TSSC4: variants seen among roughly 807,000 people sequenced by gnomAD.
TSSC4 encodes tumor suppressing subtransferable candidate 4, also known as U5 small nuclear ribonucleoprotein TSSC4.
For synonymous variants in TSSC4, 259 were observed against 197.9 expected (o/e 1.31, Z -2.59); for missense variants, 500 against 443.9 (o/e 1.13, Z -1.14).
Position 2,402,934 on chromosome 11 carries a change from G to T in TSSC4, c.301G>T (p.Glu101Ter). 1.9e-6 allele frequency: 3 copies of T among 1,611,768 alleles called. No individual in the cohort carries two copies. The highest frequency in any genetic ancestry group is 2.5e-6 in the Non-Finnish European group (3 of 1,179,600). The change falls in exon 3 of 3, where the codon GAG becomes TAG. Residue 101 changes from glutamate (E) to a stop codon, truncating the protein, a stop_gained. Coordinates refer to ENST00000333256, the MANE Select transcript of TSSC4 (RefSeq NM_005706.4). LOFTEE classifies it low-confidence loss of function (END_TRUNC). ...QRSRDIFDCL[E>*]GAARRAPSSV... ...CAGCCGTGACATCTTTGACTGCCTG[G>T]AGGGGGCGGCCAGACGGGCTCCATC...
Position 2,403,441 on chromosome 11 carries a change from G to A in TSSC4, c.808G>A (p.Glu270Lys), listed in dbSNP as rs1256862761. The change falls in exon 3 of 3, where the codon GAG (glutamate) becomes AAG (lysine). Residue 270 changes from glutamate (E) to lysine (K), a missense_variant. Transcript: ENST00000333256. ...CGGGCCCGGGAGCCCAGAGGCTGAG[G>A]AGTGGGGCAGCCACCATGGAGGCCT... Reference protein sequence around the residue: ...LAGPGSPEAEEWGSHHGGLQE... With the variant: ...LAGPGSPEAEKWGSHHGGLQE... The A allele has an allele frequency of 4.4e-6, 7 of 1,594,948 alleles. No homozygotes were observed. The highest frequency in any genetic ancestry group is 3.3e-4 in the Middle Eastern group (2 of 5,980).
rs755406095 is a variant in TSSC4, at chr11:2,402,381, G to A, written c.-93G>A. On this transcript the variant is annotated 5_prime_UTR_variant, in exon 2 of 3. Transcript: ENST00000333256. ...CGCTGAGGACCTTCATCAGGGCTCCGTCCACTTGGCCCGCTTGGCTGTCCA... is the reference window on the plus strand; with the variant it reads ...CGCTGAGGACCTTCATCAGGGCTCCATCCACTTGGCCCGCTTGGCTGTCCA... 20 of 522,050 alleles carry A rather than the reference G, an allele frequency of 3.8e-5. No homozygotes were observed. The highest frequency in any genetic ancestry group is 5.8e-5 in the Non-Finnish European group (17 of 292,602). The allele number at this position is 522,050 out of a possible 1,614,324, so 32.3% of individuals were successfully genotyped here.
Position 2,403,255 on chromosome 11 carries a change from T to C in TSSC4, c.622T>C (p.Cys208Arg). Residue 208 changes from cysteine (C) to arginine (R), a missense_variant, in exon 3 of 3, where the codon TGT becomes CGT. Coordinates refer to ENST00000333256, the MANE Select transcript of TSSC4 (RefSeq NM_005706.4). Reference protein sequence around the residue: ...VSSFNQDPSSCGEGRVIFTKP... With the variant: ...VSSFNQDPSSRGEGRVIFTKP... The stretch of plus-strand genomic sequence containing the variant: ...CTCCTTCAACCAGGATCCCTCCAGC[T>C]GTGGGGAGGGGAGGGTCATCTTCAC... The C allele has an allele frequency of 6.2e-7, 1 of 1,612,608 alleles. No individual in the cohort carries two copies. The highest frequency in any genetic ancestry group is 8.5e-7 in the Non-Finnish European group (1 of 1,179,764).
chr11:2,402,991 G>A lies in TSSC4; in HGVS notation c.358G>A (p.Gly120Arg), dbSNP rs201416852. The A allele has an allele frequency of 5.7e-5, 92 of 1,609,046 alleles. No homozygotes were observed. Among genetic ancestry groups the A allele is most frequent in the Non-Finnish European group, 6.5e-5 (76 of 1,178,144 alleles). ...SVAHTSMSDN[G>R]GFKRPLAPSG... Reference sequence around the variant, plus strand: ...GGCCCACACCAGCATGAGTGACAACGGAGGCTTCAAGCGGCCCCTAGCGCC... The same window carrying A: ...GGCCCACACCAGCATGAGTGACAACAGAGGCTTCAAGCGGCCCCTAGCGCC... The change falls in exon 3 of 3, where the codon GGA (glycine) becomes AGA (arginine). Residue 120 changes from glycine to arginine, a missense_variant. Gly to Arg is a moderately radical substitution (Grantham distance 125). Coordinates refer to ENST00000333256, the MANE Select transcript of TSSC4 (RefSeq NM_005706.4).
At position 2,403,708 on chromosome 11, in the gene TSSC4, C is replaced by A; in HGVS notation, c.*85C>A. On this transcript the variant is annotated 3_prime_UTR_variant, in exon 3 of 3. Coordinates refer to ENST00000333256, the MANE Select transcript of TSSC4 (RefSeq NM_005706.4). ...GGCTGGTCAGGGGGCAGCCTGGCCA[C>A]TGCCTAGCTGGAATGGGAGGAAGCC... is the stretch of plus-strand genomic sequence containing the variant. The A allele has an allele frequency of 7.4e-7, 1 of 1,342,846 alleles. No homozygotes were observed. Among genetic ancestry groups the A allele is most frequent in the Non-Finnish European group, 9.8e-7 (1 of 1,020,790 alleles). The allele number at this position is 1,342,846 out of a possible 1,614,324, so 83.2% of individuals were successfully genotyped here. A position where few individuals can be genotyped will look rare whatever the true frequency, so the allele number is the denominator to read the frequency against.
Position 2,403,671 on chromosome 11 carries a change from C to T in TSSC4, c.*48C>T. ...CCCACTGGCCACTGCCATCCTGCTG[C>T]CTTCCCAGTGGGGCTGGTCAGGGGG... On this transcript the variant is annotated 3_prime_UTR_variant, in exon 3 of 3. Transcript: ENST00000333256. 1 of 1,452,742 alleles carries T rather than the reference C, an allele frequency of 6.9e-7. No individual in the cohort carries two copies. 90.0% of individuals were successfully genotyped at this position (1,452,742 alleles called of 1,614,324 possible).
rs868782136 is a variant in TSSC4 at position 2,402,357 on chromosome 11, G to A, written c.-117G>A. ...GGCCTGAGACGACCACGCCTGTGCC[G>A]CTGAGGACCTTCATCAGGGCTCCGT... On this transcript the variant is annotated 5_prime_UTR_variant, in exon 2 of 3. Coordinates refer to ENST00000333256, the MANE Select transcript of TSSC4 (RefSeq NM_005706.4). The A allele has an allele frequency of 6.2e-6, 3 of 483,536 alleles. No homozygotes were observed. The highest frequency in any genetic ancestry group is 1.1e-5 in the Non-Finnish European group (3 of 268,202). The allele number at this position is 483,536 out of a possible 1,614,324, so 30.0% of individuals were successfully genotyped here. A position where few individuals can be genotyped will look rare whatever the true frequency, so the allele number is the denominator to read the frequency against.
chr11:2,402,332 G>A lies in TSSC4; in HGVS notation c.-142G>A, dbSNP rs1244018323. 4.9e-6 allele frequency: 2 copies of A among 406,206 alleles called. No homozygotes were observed. Among genetic ancestry groups the A allele is most frequent in the Non-Finnish European group, 4.5e-6 (1 of 222,284 alleles). 25.2% of individuals were successfully genotyped at this position (406,206 alleles called of 1,614,324 possible). Reference sequence around the variant, plus strand: ...CAGAGGCCATGCCGGGGCACTCCGAGGCCTGAGACGACCACGCCTGTGCCG... The same window carrying A: ...CAGAGGCCATGCCGGGGCACTCCGAAGCCTGAGACGACCACGCCTGTGCCG... On this transcript the variant is annotated 5_prime_UTR_variant, in exon 2 of 3. Coordinates refer to ENST00000333256, the MANE Select transcript of TSSC4 (RefSeq NM_005706.4).
At position 2,403,371 on chromosome 11, in the gene TSSC4, T is replaced by G. The variant is rs1589861529; in HGVS notation, c.738T>G (p.Pro246=). ...GEPGRGGLGN[P]ATDRGEGPVE... The stretch of plus-strand genomic sequence containing the variant: ...CAGGCAGGGGCGGCCTTGGGAATCC[T>G]GCCACAGACAGGGGCGAGGGCCCTG... Residue 246 remains proline (P), a synonymous_variant, in exon 3 of 3, where the codon CCT becomes CCG. Coordinates refer to ENST00000333256, the MANE Select transcript of TSSC4 (RefSeq NM_005706.4). 6 of 1,610,814 alleles carry G rather than the reference T, an allele frequency of 3.7e-6. No individual in the cohort carries two copies. In the African/African-American group the frequency reaches 4.0e-5, roughly 11 times the overall value.
In TSSC4 at chr11:2,403,535, CTG is replaced by C. The variant is rs755857690; in HGVS notation, c.904_905del (p.Val302TrpfsTer26). 8 of 1,592,902 alleles carry C rather than the reference CTG, an allele frequency of 5.0e-6. No homozygotes were observed. The highest frequency in any genetic ancestry group is 4.5e-5 in the East Asian group (2 of 44,594). ...GTGCCAGGTCTCCCGCCGGTGGAAA[CTG>C]TTGGCTTCCATGGCAGCAGGAAGCG... On this transcript the variant is annotated frameshift_variant, in exon 3 of 3. Transcript: ENST00000333256. LOFTEE classifies it low-confidence loss of function (END_TRUNC).
chr11:2,403,632 T>C lies in TSSC4; in HGVS notation c.*9T>C. 1 of 1,501,466 alleles carries C rather than the reference T, an allele frequency of 6.7e-7. No homozygotes were observed. Among genetic ancestry groups the C allele is most frequent in the Non-Finnish European group, 8.9e-7 (1 of 1,125,548 alleles). The allele number at this position is 1,501,466 out of a possible 1,614,324, so 93.0% of individuals were successfully genotyped here. A position where few individuals can be genotyped will look rare whatever the true frequency, so the allele number is the denominator to read the frequency against. On this transcript the variant is annotated 3_prime_UTR_variant, in exon 3 of 3. Transcript: ENST00000333256. ...CAGGTGCTGAGGTCTGAGAGGGAGA[T>C]GGCCCAGCCTGACCCCACTGGCCAC... is the stretch of plus-strand genomic sequence containing the variant.
Position 2,402,609 on chromosome 11 carries a change from A to G in TSSC4, c.-23-2A>G. On this transcript the variant is annotated splice_acceptor_variant, in intron 2 of 2. Coordinates refer to ENST00000333256, the MANE Select transcript of TSSC4 (RefSeq NM_005706.4). LOFTEE classifies it low-confidence loss of function (5UTR_SPLICE). ...CAAATTTTCTGGGCTGTTTTGGTTT[A>G]GGTGTGGCGTGGCCCTGGGGACGCA... 3.2e-6 allele frequency: 5 copies of G among 1,563,816 alleles called. No homozygotes were observed. Among genetic ancestry groups the G allele is most frequent in the Non-Finnish European group, 4.3e-6 (5 of 1,150,832 alleles).
In TSSC4 at chr11:2,402,814, G is replaced by C; in HGVS notation, c.181G>C (p.Gly61Arg). 1.3e-6 allele frequency: 2 copies of C among 1,589,794 alleles called. No homozygotes were observed. The highest frequency in any genetic ancestry group is 1.7e-6 in the Non-Finnish European group (2 of 1,167,476). ...GGGGCTGCCTGGGGAGGAGGATTCAGGTCCTGATGAGCCGCCCTCACCCCC... is the reference window on the plus strand; with the variant it reads ...GGGGCTGCCTGGGGAGGAGGATTCACGTCCTGATGAGCCGCCCTCACCCCC... ...PMGLPGEEDS[G>R]PDEPPSPPSG... The change falls in exon 3 of 3, where the codon GGT becomes CGT. Residue 61 changes from glycine to arginine, a missense_variant. Transcript: ENST00000333256.
In TSSC4 at chr11:2,402,625, TG is replaced by T; in HGVS notation, c.-5del. 2 of 1,584,926 alleles carry T rather than the reference TG, an allele frequency of 1.3e-6. No homozygotes were observed. Among genetic ancestry groups the T allele is most frequent in the Non-Finnish European group, 8.6e-7 (1 of 1,161,618 alleles). ...TTTTGGTTTAGGTGTGGCGTGGCCC[TG>T]GGGACGCATGGCTGAGGCAGGAACA... On this transcript the variant is annotated 5_prime_UTR_variant, in exon 3 of 3. Transcript: ENST00000333256.
Position 2,403,324 on chromosome 11 carries a change from G to T in TSSC4, c.691G>T (p.Val231Phe), listed in dbSNP as rs1213350991. 1.2e-6 allele frequency: 2 copies of T among 1,612,420 alleles called. No homozygotes were observed. The highest frequency in any genetic ancestry group is 1.7e-6 in the Non-Finnish European group (2 of 1,179,632). Residue 231 changes from valine (V) to phenylalanine (F), a missense_variant, in exon 3 of 3, where the codon GTC (valine) becomes TTC (phenylalanine). By Grantham distance (50) the Val-to-Phe change is conservative. Transcript: ENST00000333256. Reference sequence around the variant, plus strand: ...CGAAGCCAGACACGAGAGGAAGAGGGTCCTGGGGAAGGTGGGAGAGCCAGG... The same window carrying T: ...CGAAGCCAGACACGAGAGGAAGAGGTTCCTGGGGAAGGTGGGAGAGCCAGG... Reference protein sequence around the residue: ...GVEARHERKRVLGKVGEPGRG... With the variant: ...GVEARHERKRFLGKVGEPGRG...
At position 2,402,831 on chromosome 11, in the gene TSSC4, C is replaced by A. The variant is rs1850191760; in HGVS notation, c.198C>A (p.Pro66=). ...GEEDSGPDEP[P]SPPSGLLPAT... ...AGGATTCAGGTCCTGATGAGCCGCC[C>A]TCACCCCCGTCAGGCCTCCTCCCAG... The change falls in exon 3 of 3, where the codon CCC becomes CCA. Residue 66 remains proline (P), a synonymous_variant. Coordinates refer to ENST00000333256, the MANE Select transcript of TSSC4 (RefSeq NM_005706.4). 6.9e-6 allele frequency: 11 copies of A among 1,599,558 alleles called. No homozygotes were observed. The East Asian group carries it at 2.5e-4, about 36-fold the overall frequency.
chr11:2,402,678 CGA>C lies in TSSC4; in HGVS notation c.46_47del (p.Glu16ThrfsTer6). 6.3e-7 allele frequency: 1 copy of C among 1,591,122 alleles called. No individual in the cohort carries two copies. Among genetic ancestry groups the C allele is most frequent in the South Asian group, 1.1e-5 (1 of 87,878 alleles). ...TGEPSPSVEG[E>X]HGTEYDTLPS... ...GTGAGCCGTCCCCCAGCGTGGAGGG[CGA>C]ACACGGGACGGAGTATGACACGCTG... On this transcript the variant is annotated frameshift_variant, in exon 3 of 3. Transcript: ENST00000333256. LOFTEE classifies it low-confidence loss of function (END_TRUNC).
In TSSC4 at chr11:2,402,357, G is replaced by T. The variant is rs868782136; in HGVS notation, c.-117G>T. 1.3e-4 allele frequency: 63 copies of T among 483,534 alleles called. 1 individual carries two copies. In the South Asian group the frequency reaches 1.5e-3, roughly 12 times the overall value. The allele number at this position is 483,534 out of a possible 1,614,324, so 30.0% of individuals were successfully genotyped here. ...GGCCTGAGACGACCACGCCTGTGCC[G>T]CTGAGGACCTTCATCAGGGCTCCGT... On this transcript the variant is annotated 5_prime_UTR_variant, in exon 2 of 3. Transcript: ENST00000333256.
In TSSC4 at chr11:2,402,693, G is replaced by A. The variant is rs767955368; in HGVS notation, c.60G>A (p.Glu20=). ...SPSVEGEHGT[E]YDTLPSDTVS... is the part of the protein sequence containing the mutation. ...GCGTGGAGGGCGAACACGGGACGGAGTATGACACGCTGCCTTCCGACACAG... is the reference window on the plus strand; with the variant it reads ...GCGTGGAGGGCGAACACGGGACGGAATATGACACGCTGCCTTCCGACACAG... Residue 20 remains glutamate (E), a synonymous_variant, in exon 3 of 3, where the codon GAG becomes GAA. Transcript: ENST00000333256. 6.3e-7 allele frequency: 1 copy of A among 1,586,274 alleles called. No individual in the cohort carries two copies. The highest frequency in any genetic ancestry group is 1.1e-5 in the South Asian group (1 of 87,238).
Sources: allele counts gnomAD v4.1 joint callset, GRCh38; gene constraint gnomAD v4.1.1; transcripts MANE v1.5; gene names NCBI Gene and HGNC (gene_info 2026-07-23, HGNC 2026-07-21).